GKAP1: variants seen among roughly 807,000 people sequenced by gnomAD.
GKAP1 encodes G kinase-anchoring protein 1.
GKAP1 carries 31 observed loss-of-function variants against 56.7 expected under a neutral mutation model. That is an observed-to-expected ratio of 0.55 (90% CI 0.41 to 0.74). The LOEUF is 0.74. GKAP1 is among the 30% of genes least tolerant of loss of function. The pLI is 0.00. For missense variants in GKAP1, 364 were observed against 402.3 expected, an observed-to-expected ratio of 0.90 and a Z score of 0.82; for synonymous variants, 151 against 138.6, an observed-to-expected ratio of 1.09 and a Z score of -0.63.
intron 9 of GKAP1, among the ~76,000 whole-genome samples, chr9:83,751,230 C>A (rs1398599230): frequency 1.3e-5 from 2 of 152,188 alleles, no homozygotes; most frequent in Non-Finnish European, 1.5e-5. Context: ...TGAATGTCAG[C>A]CACAATGTAC....
intron 7 of GKAP1, among the ~76,000 whole-genome samples, chr9:83,779,500 C>T (rs1328522079): frequency 9.4e-6 from 1 of 105,978 alleles, no homozygotes; most frequent in Non-Finnish European, 2.1e-5. Context: ...TACACATATA[C>T]ACATATATGT....
intron 7 of GKAP1, among the ~76,000 whole-genome samples, chr9:83,778,274 A>G (rs1943895496): frequency 6.6e-6 from 1 of 152,238 alleles, no homozygotes; most frequent in African/African-American, 2.4e-5. Context: ...ACTGTTCACA[A>G]TAGCAGACAT....
chr9:83,814,530 T>C (rs1462294194), intron 2 of GKAP1, among the ~76,000 whole-genome samples: 1 of 152,202 alleles, frequency 6.6e-6, no homozygotes, highest in Non-Finnish European at 1.5e-5. Context: ...ATTCTCTTTA[T>C]TGTTGTGCCT....
At chr9:83,741,532 C>A (rs1344335887) in intron 12 of GKAP1, among the ~76,000 whole-genome samples, 1 of 151,962 alleles carries the variant, frequency 6.6e-6, no homozygotes, top group Non-Finnish European at 1.5e-5. Flanking sequence ...GATGCTAAAG[C>A]CACTAGATGA....
intron 8 of GKAP1, among the ~76,000 whole-genome samples, chr9:83,760,666 T>C (rs754272172): frequency 3.3e-5 from 5 of 152,156 alleles, no homozygotes; most frequent in African/African-American, 2.4e-5. Flanking sequence ...ATATCAAGCA[T>C]CTTTTCTGAC....
At chr9:83,802,255 C>T (rs894890231) in intron 3 of GKAP1, among the ~76,000 whole-genome samples, 39 of 151,810 alleles carry the variant, frequency 2.6e-4, no homozygotes, top group Admixed American at 1.0e-3. Flanking sequence ...CCGAGGCAGG[C>T]GGATCACGAG....
intron 8 of GKAP1, among the ~76,000 whole-genome samples, chr9:83,765,503 C>T (rs1024061104): frequency 3.9e-5 from 6 of 152,202 alleles, no homozygotes; most frequent in African/African-American, 1.4e-4. Flanking sequence ...ATGGTAGATC[C>T]ACCCACGGTT....
intron 5 of GKAP1, among the ~76,000 whole-genome samples, chr9:83,787,656 G>C (rs1333996857): frequency 2.0e-5 from 3 of 152,086 alleles, no homozygotes; most frequent in African/African-American, 7.2e-5. Flanking sequence ...AACCAAAAAA[G>C]GATCCCAGTA....
intron 4 of GKAP1, among the ~76,000 whole-genome samples, chr9:83,792,618 A>G (rs950682659): frequency 3.3e-5 from 5 of 152,212 alleles, no homozygotes; most frequent in Non-Finnish European, 5.9e-5. Flanking sequence ...AGACTAACAC[A>G]TATCAGAAAA....
At chr9:83,787,492 C>A (rs1338653569) in intron 5 of GKAP1, among the ~76,000 whole-genome samples, 2 of 152,216 alleles carry the variant, frequency 1.3e-5, no homozygotes, top group Non-Finnish European at 2.9e-5. Context: ...CCTGTCTCAG[C>A]CTCCTGAGTA....
At chr9:83,772,078 T>C (rs189954690) in intron 7 of GKAP1, among the ~76,000 whole-genome samples, 11 of 152,108 alleles carry the variant, frequency 7.2e-5, no homozygotes, top group Non-Finnish European at 1.6e-4. Flanking sequence ...AATCAACTAC[T>C]ACATCCCACA....
chr9:83,813,314 A>G (rs999890449), intron 2 of GKAP1, among the ~76,000 whole-genome samples: 32 of 152,172 alleles, frequency 2.1e-4, no homozygotes, highest in African/African-American at 7.7e-4. Context: ...AAGTTACTTA[A>G]ATTAGTCTAT....
intron 5 of GKAP1, among the ~76,000 whole-genome samples, chr9:83,786,378 A>C (rs1944063619): frequency 6.6e-6 from 1 of 152,104 alleles, no homozygotes; most frequent in African/African-American, 2.4e-5. Context: ...CCCCGTCTCT[A>C]CTAAAAGTAC....
chr9:83,775,389 T>C (rs1943841022), intron 7 of GKAP1, among the ~76,000 whole-genome samples: 1 of 152,070 alleles, frequency 6.6e-6, no homozygotes, highest in Non-Finnish European at 1.5e-5. Flanking sequence ...TACTGGAGAA[T>C]GGTTTTAGAA....
At chr9:83,800,561 T>C (rs1170224766) in intron 3 of GKAP1, among the ~76,000 whole-genome samples, 1 of 152,278 alleles carries the variant, frequency 6.6e-6, no homozygotes, top group Non-Finnish European at 1.5e-5. Context: ...CTTGAACTCC[T>C]GACCTCAGGT....
intron 6 of GKAP1, among the ~76,000 whole-genome samples, chr9:83,780,907 A>T (rs991842135): frequency 1.3e-5 from 2 of 152,212 alleles, no homozygotes; most frequent in Admixed American, 1.3e-4. Context: ...ATTTAATAGC[A>T]CTATTAAAAA....
chr9:83,814,182 A>T (rs1036165051), intron 2 of GKAP1, among the ~76,000 whole-genome samples: 1 of 152,162 alleles, frequency 6.6e-6, no homozygotes, highest in African/African-American at 2.4e-5. Context: ...CATACCCAAA[A>T]AGCCAATTAT....
At chr9:83,780,463 T>G in intron 6 of GKAP1, 59 bp from the exon 7 acceptor site, 1 of 384,320 alleles carries the variant, frequency 2.6e-6, no homozygotes, top group South Asian at 3.8e-5. Context: ...CATACAAAAA[T>G]GTAAAAAAAA....
intron 4 of GKAP1, among the ~76,000 whole-genome samples, chr9:83,794,728 A>G (rs1944215289): frequency 6.6e-6 from 1 of 152,232 alleles, no homozygotes; most frequent in African/African-American, 2.4e-5. Flanking sequence ...AAAAAGGTAC[A>G]CTGGAATCAA....
Sources: allele counts gnomAD v4.1 joint callset (sites outside exome capture counted in the v4.1 genomes callset), GRCh38; gene constraint gnomAD v4.1.1; transcripts MANE v1.5; gene names NCBI Gene and HGNC (gene_info 2026-07-23, HGNC 2026-07-21).